SMYD3: variants seen among roughly 807,000 people sequenced by gnomAD.
SMYD3 encodes SET and MYND domain containing 3.
Under a neutral mutation model 57.7 loss-of-function variants are expected in SMYD3, and 36 were observed. The ratio of observed to expected loss-of-function variants is 0.62; its 90% CI spans 0.48 to 0.82. The LOEUF is 0.82. SMYD3 is among the 40% of genes least tolerant of loss of function. The pLI, the probability that SMYD3 is intolerant of heterozygous loss-of-function variation, is 0.00. For missense variants in SMYD3, 515 were observed against 538.8 expected (o/e 0.96, Z 0.44); for synonymous variants, 211 against 195.0 (o/e 1.08, Z -0.68).
chr1:245,793,131 A>G (rs559295517), intron 10 of SMYD3, among the ~76,000 whole-genome samples: 2 of 147,298 alleles, frequency 1.4e-5, no homozygotes, highest in Non-Finnish European at 3.0e-5. Flanking sequence ...AACACGGTGA[A>G]ACCCCGTCTC....
At position 245,951,422 on chromosome 1, in the gene SMYD3, A is replaced by G. The variant is rs1269557313; in HGVS notation, c.532-21485T>C. On this transcript the variant is annotated intron_variant, in intron 5 of 11. Transcript: ENST00000490107. ...ATCTCTACTAAAAATACAAAAAATT[A>G]GCTGGGCGAGGTGGTGCACGCCTGT... Among the ~76,000 whole-genome samples, 30 of 138,242 alleles carry G rather than the reference A, an allele frequency of 2.2e-4. 4 individuals carry two copies. Among genetic ancestry groups the G allele is most frequent in the Non-Finnish European group, 1.5e-5 (1 of 66,414 alleles). The allele number at this position is 138,242 out of a possible 152,430, so 90.7% of individuals were successfully genotyped here. A position where few individuals can be genotyped will look rare whatever the true frequency, so the allele number is the denominator to read the frequency against.
intron 1 of SMYD3, among the ~76,000 whole-genome samples, chr1:246,504,793 C>T (rs1353871926): frequency 2.0e-5 from 3 of 152,162 alleles, no homozygotes; most frequent in Non-Finnish European, 4.4e-5. Flanking sequence ...CTGAAAGATG[C>T]ACTATTCTTA....
intron 1 of SMYD3, among the ~76,000 whole-genome samples, chr1:246,419,206 C>T (rs1030458172): frequency 3.3e-5 from 5 of 152,198 alleles, no homozygotes; most frequent in African/African-American, 4.8e-5. Flanking sequence ...TAGGGATAAA[C>T]CTATAAGATA....
intron 1 of SMYD3, among the ~76,000 whole-genome samples, chr1:246,454,419 GAAA>G: frequency 6.6e-6 from 1 of 152,102 alleles, no homozygotes; most frequent in Non-Finnish European, 1.5e-5. Context: ...TACATGAAAA[GAAA>G]TACATAAGGC....
chr1:245,999,592 C>CA (rs1406536177), intron 5 of SMYD3, among the ~76,000 whole-genome samples: 4 of 142,652 alleles, frequency 2.8e-5, no homozygotes, highest in Non-Finnish European at 4.5e-5. Context: ...AAGAGTGAGT[C>CA]AAAAAAAGAA....
At chr1:245,917,713 T>C (rs73126389) in intron 7 of SMYD3, among the ~76,000 whole-genome samples, 4,344 of 152,288 alleles carry the variant, frequency 0.029, 196 homozygotes, top group African/African-American at 0.098. Context: ...TTTTCCTGTA[T>C]CATATATCAG....
chr1:246,305,432 C>T (rs1414384430), intron 5 of SMYD3, among the ~76,000 whole-genome samples: 1 of 152,098 alleles, frequency 6.6e-6, no homozygotes, highest in Non-Finnish European at 1.5e-5. Context: ...GCTAATTTCA[C>T]AGCTTTGTTA....
At chr1:246,299,273 G>A (rs2064851365) in intron 5 of SMYD3, among the ~76,000 whole-genome samples, 1 of 152,110 alleles carries the variant, frequency 6.6e-6, no homozygotes, top group Non-Finnish European at 1.5e-5. Flanking sequence ...TTAGAGAAAT[G>A]CAAAGCAAAA....
chr1:245,966,012 T>C (rs1366482662), intron 5 of SMYD3, among the ~76,000 whole-genome samples: 1 of 152,240 alleles, frequency 6.6e-6, no homozygotes, highest in Non-Finnish European at 1.5e-5. Context: ...GAAACCTCTA[T>C]GCTCAATTCT....
At chr1:245,808,200 T>C (rs1019675782) in intron 10 of SMYD3, among the ~76,000 whole-genome samples, 1 of 152,160 alleles carries the variant, frequency 6.6e-6, no homozygotes, top group Non-Finnish European at 1.5e-5. Flanking sequence ...ATAAACGCCC[T>C]TGGCTGGGGT....
At chr1:245,765,094 T>A (rs1300442933) in intron 10 of SMYD3, among the ~76,000 whole-genome samples, 3 of 128,432 alleles carry the variant, frequency 2.3e-5, no homozygotes, top group Admixed American at 8.8e-5. Context: ...ACAGTTTAAA[T>A]GAGCTTTTCA....
At chr1:246,225,130 T>G (rs1225452562) in intron 5 of SMYD3, among the ~76,000 whole-genome samples, 1 of 151,434 alleles carries the variant, frequency 6.6e-6, no homozygotes, top group Non-Finnish European at 1.5e-5. Flanking sequence ...AGGGTTTATT[T>G]AACGAGAAAG....
intron 5 of SMYD3, among the ~76,000 whole-genome samples, chr1:246,081,521 C>G (rs1169488247): frequency 2.0e-5 from 3 of 152,234 alleles, no homozygotes; most frequent in Non-Finnish European, 1.5e-5. Context: ...GCCTCCTGAG[C>G]AGCTGACACT....
At chr1:245,996,158 A>C (rs1048432833) in intron 5 of SMYD3, among the ~76,000 whole-genome samples, 1 of 152,214 alleles carries the variant, frequency 6.6e-6, no homozygotes, top group Non-Finnish European at 1.5e-5. Context: ...ATCTTCTCTG[A>C]CTAAAAAGAC....
At chr1:246,098,151 C>T (rs1396198699) in intron 5 of SMYD3, among the ~76,000 whole-genome samples, 2 of 152,106 alleles carry the variant, frequency 1.3e-5, no homozygotes, top group African/African-American at 2.4e-5. Context: ...TATCTATACC[C>T]GCACCCAAAA....
chr1:246,331,005 T>C (rs2065450852), intron 3 of SMYD3, among the ~76,000 whole-genome samples: 2 of 152,076 alleles, frequency 1.3e-5, no homozygotes, highest in African/African-American at 4.8e-5. Flanking sequence ...CATGGTGGCA[T>C]GCACCTGTAG....
At chr1:246,440,802 G>GAC (rs2067451368) in intron 1 of SMYD3, among the ~76,000 whole-genome samples, 1 of 152,172 alleles carries the variant, frequency 6.6e-6, no homozygotes, top group African/African-American at 2.4e-5. Flanking sequence ...CTTTCCTAAT[G>GAC]ACCAAGCTCC....
At chr1:246,378,946 G>A (rs1459339465) in intron 1 of SMYD3, among the ~76,000 whole-genome samples, 1 of 138,490 alleles carries the variant, frequency 7.2e-6, no homozygotes, top group African/African-American at 2.7e-5. Context: ...ATTTGTAATT[G>A]ATCAACCTTG....
chr1:246,289,720 G>A (rs752736531), intron 5 of SMYD3, among the ~76,000 whole-genome samples: 21 of 152,232 alleles, frequency 1.4e-4, no homozygotes, highest in African/African-American at 2.6e-4. Flanking sequence ...GTTACTGTTC[G>A]TGGGTGCTAG....
Sources: gnomAD v4.1 joint callset for allele counts (sites outside exome capture counted in the v4.1 genomes callset) on GRCh38, gnomAD v4.1.1 for gene constraint, MANE v1.5 for transcripts, NCBI Gene and HGNC (gene_info 2026-07-23, HGNC 2026-07-21) for gene names.